Variants in KIAA1671 observed in about 807,000 individuals in gnomAD.
The protein encoded by KIAA1671 is KIAA1671, also known as uncharacterized protein KIAA1671.
A neutral mutation model predicts 131.2 loss-of-function variants in KIAA1671; 52 were observed. That is an observed-to-expected ratio of 0.40 (90% CI 0.32 to 0.50). KIAA1671 has a LOEUF of 0.50. Ranked by LOEUF, KIAA1671 falls within the 20% of genes least tolerant of loss-of-function variation. The pLI is 0.73. For synonymous variants in KIAA1671, 1,003 were observed against 961.6 expected, an observed-to-expected ratio of 1.04 and a Z score of -0.80; for missense variants, 2,360 against 2,364.2, an observed-to-expected ratio of 1.00 and a Z score of 0.04.
chr22:25,113,700 C>T (rs1293261396), intron 6 of KIAA1671, among the ~76,000 whole-genome samples: 1 of 152,236 alleles, frequency 6.6e-6, no homozygotes, highest in Non-Finnish European at 1.5e-5. Context: ...ACACGTGTCT[C>T]GTTCACAGGA....
chr22:24,992,252 C>G (rs533078761), intron 1 of KIAA1671, among the ~76,000 whole-genome samples: 160 of 152,274 alleles, frequency 1.1e-3, no homozygotes, highest in African/African-American at 3.7e-3. Context: ...GCCTAGGGCT[C>G]TGGCAGGAGA....
intron 9 of KIAA1671, 47 bp from the exon 10 acceptor site, chr22:25,181,652 A>G (rs1601389521): frequency 6.5e-7 from 1 of 1,549,522 alleles, no homozygotes; most frequent in Non-Finnish European, 8.7e-7. Context: ...TAGGACCTCA[A>G]TACATGGCAG....
intron 5 of KIAA1671, among the ~76,000 whole-genome samples, chr22:25,042,020 A>G (rs1445949205): frequency 1.3e-5 from 2 of 152,240 alleles, no homozygotes; most frequent in Admixed American, 6.5e-5. Context: ...CTGGGATGAC[A>G]GGCGTGTGCC....
At position 25,174,499 on chromosome 22, in the gene KIAA1671, T is replaced by A. The variant is rs1209581045; in HGVS notation, c.4899+10T>A. On this transcript the variant is annotated intron_variant, in intron 8 of 12. Transcript: ENST00000358431. ...CTTCTCCTTCATTGATGTAAGTCAG[T>A]GGCCAGGAGCATTTCTTCTTAAATG... The A allele has an allele frequency of 6.7e-7, 1 of 1,498,150 alleles. No individual in the cohort carries two copies. Among genetic ancestry groups the A allele is most frequent in the African/African-American group, 1.4e-5 (1 of 71,128 alleles). 92.8% of individuals were successfully genotyped at this position (1,498,150 alleles called of 1,614,324 possible). A position where few individuals can be genotyped will look rare whatever the true frequency, so the allele number is the denominator to read the frequency against.
intron 1 of KIAA1671, among the ~76,000 whole-genome samples, chr22:24,973,917 A>C (rs924058174): frequency 1.3e-5 from 2 of 152,088 alleles, no homozygotes; most frequent in Admixed American, 1.3e-4. Flanking sequence ...AATAGTGATG[A>C]CTGTATATTA....
intron 1 of KIAA1671, among the ~76,000 whole-genome samples, chr22:24,970,743 A>AAAAG (rs1922566524): frequency 6.7e-6 from 1 of 148,888 alleles, no homozygotes; most frequent in East Asian, 2.1e-4. Context: ...AAAAAAAAAC[A>AAAAG]AAACAAAACT....
intron 6 of KIAA1671, among the ~76,000 whole-genome samples, chr22:25,073,178 C>A (rs965741118): frequency 6.6e-6 from 1 of 152,138 alleles, no homozygotes; most frequent in Non-Finnish European, 1.5e-5. Context: ...AGTGATCCTC[C>A]CACCTCAGCC....
intron 6 of KIAA1671, among the ~76,000 whole-genome samples, chr22:25,107,699 G>T (rs79630932): frequency 0.031 from 4,698 of 151,556 alleles, 208 homozygotes; most frequent in African/African-American, 0.11. Context: ...TCCATTTTTT[G>T]TGTGTGTGTG....
intron 11 of KIAA1671, among the ~76,000 whole-genome samples, chr22:25,190,019 A>G (rs117146740): frequency 0.035 from 5,266 of 152,148 alleles, 143 homozygotes; most frequent in Middle Eastern, 0.072. Context: ...GTGAAAGACA[A>G]TTTTTCCACA....
chr22:25,057,342 G>A (rs2145830495), intron 6 of KIAA1671: 1 of 152,412 alleles, frequency 6.6e-6, no homozygotes, highest in Admixed American at 6.5e-5. Flanking sequence ...GGCCACGCAG[G>A]GCCCCCAGCT....
intron 1 of KIAA1671, chr22:25,024,474 G>A (rs994877504): frequency 7.2e-5 from 11 of 152,178 alleles, no homozygotes; most frequent in Admixed American, 2.0e-4. Flanking sequence ...TTGTGAAACT[G>A]ATAGGGGTCC....
At chr22:25,060,815 T>C (rs557182616) in intron 6 of KIAA1671, 1 of 134,638 alleles carries the variant, frequency 7.4e-6, no homozygotes, top group South Asian at 2.3e-4. Flanking sequence ...ATGGAGACGG[T>C]CTATTTTCCA....
chr22:25,042,463 G>GTTT (rs3063202), intron 5 of KIAA1671, among the ~76,000 whole-genome samples: 5,913 of 104,760 alleles, frequency 0.056, 415 homozygotes, highest in Non-Finnish European at 0.073. Flanking sequence ...GCAGTCCCTT[G>GTTT]TTTTTTTTTT....
chr22:25,151,784 G>T (rs938082549), intron 6 of KIAA1671, among the ~76,000 whole-genome samples: 5 of 151,864 alleles, frequency 3.3e-5, no homozygotes, highest in African/African-American at 1.2e-4. Context: ...TGTTGCCCGG[G>T]CAGGAGTGTG....
chr22:25,105,549 G>T (rs764332241), intron 6 of KIAA1671, among the ~76,000 whole-genome samples: 1 of 152,140 alleles, frequency 6.6e-6, no homozygotes, highest in Non-Finnish European at 1.5e-5. Flanking sequence ...AAAGTCCTCT[G>T]GGGGGGAAAA....
intron 6 of KIAA1671, chr22:25,070,432 C>T (rs935538881): frequency 6.4e-6 from 3 of 469,734 alleles, no homozygotes; most frequent in South Asian, 5.0e-5. Context: ...TGGCGGGGGG[C>T]AGTGCAGGCT....
At chr22:25,152,365 CAT>C (rs990825484) in intron 6 of KIAA1671, among the ~76,000 whole-genome samples, 1 of 152,182 alleles carries the variant, frequency 6.6e-6, no homozygotes, top group African/African-American at 2.4e-5. Flanking sequence ...TGGCCATTTA[CAT>C]GTGTGTGTGA....
rs35147267 is a variant in KIAA1671 at position 25,009,253 on chromosome 22, CTTTTTTTTTTTTTT to C, written c.-207-16364_-207-16351del. ...ATTTCTTGGCACTCTCCCTTCCCCACTTTTTTTTTTTTTTTTTTTTTTTTTTTTTAAGACAGAGT... is the reference window on the plus strand; with the variant it reads ...ATTTCTTGGCACTCTCCCTTCCCCACTTTTTTTTTTTTTTTAAGACAGAGT... On this transcript the variant is annotated intron_variant, in intron 1 of 12. Coordinates refer to ENST00000358431, the MANE Select transcript of KIAA1671 (RefSeq NM_001145206.2). 1.4e-4 allele frequency among the ~76,000 whole-genome samples: 9 copies of C among 62,794 alleles called. No individual in the cohort carries two copies. The South Asian group carries it at 4.3e-3, about 30-fold the overall frequency. The allele number at this position is 62,794 out of a possible 152,430, so 41.2% of individuals were successfully genotyped here. A position where few individuals can be genotyped will look rare whatever the true frequency, so the allele number is the denominator to read the frequency against.
chr22:25,068,612 A>G, intron 6 of KIAA1671, among the ~76,000 whole-genome samples: 1 of 151,946 alleles, frequency 6.6e-6, no homozygotes, highest in Non-Finnish European at 1.5e-5. Context: ...AATTTTTTAT[A>G]TTTTTAGTAG....
Sources: allele counts gnomAD v4.1 joint callset (sites outside exome capture counted in the v4.1 genomes callset), GRCh38; gene constraint gnomAD v4.1.1; transcripts MANE v1.5; gene names NCBI Gene and HGNC (gene_info 2026-07-23, HGNC 2026-07-21).